The following ZFHX3 variants were observed in gnomAD, a reference collection of about 807,000 sequenced individuals.
ZFHX3 encodes zinc finger homeobox 3, also known as zinc finger homeobox protein 3.
Under a neutral mutation model 279.1 loss-of-function variants are expected in ZFHX3, and 42 were observed. The observed-to-expected ratio is 0.15, with a 90% CI of 0.12 to 0.19. ZFHX3 has a LOEUF of 0.19. Ranked by LOEUF, ZFHX3 falls within the 10% of genes least tolerant of loss-of-function variation. ZFHX3 has a pLI of 1.00. For synonymous variants in ZFHX3, 2,293 were observed against 1,957.8 expected (o/e 1.17, Z -4.52); for missense variants, 4,981 against 4,754.0 (o/e 1.05, Z -1.40).
intron 4 of ZFHX3, among the ~76,000 whole-genome samples, chr16:72,849,607 C>T (rs1421420679): frequency 6.6e-6 from 1 of 152,136 alleles, no homozygotes; most frequent in Non-Finnish European, 1.5e-5. Context: ...CCACGTTCCT[C>T]ATTAATGGAT....
chr16:73,443,972 G>A (rs2018139190), intron 3 of ZFHX3, among the ~76,000 whole-genome samples: 1 of 151,936 alleles, frequency 6.6e-6, no homozygotes, highest in South Asian at 2.1e-4. Context: ...TGATGCCCAG[G>A]CTGGTCTTGA....
chr16:73,440,086 T>C (rs1196442019), intron 3 of ZFHX3, among the ~76,000 whole-genome samples: 1 of 152,072 alleles, frequency 6.6e-6, no homozygotes, highest in Non-Finnish European at 1.5e-5. Context: ...ATGGAAACAG[T>C]ACACAATTTG....
intron 2 of ZFHX3, among the ~76,000 whole-genome samples, chr16:73,558,106 G>C (rs1203605714): frequency 2.0e-5 from 3 of 152,214 alleles, no homozygotes; most frequent in Non-Finnish European, 2.9e-5. Context: ...CCCAGGACAA[G>C]ACTGAAAGCA....
chr16:73,589,350 C>G (rs576408791), intron 2 of ZFHX3, among the ~76,000 whole-genome samples: 1 of 143,846 alleles, frequency 7.0e-6, no homozygotes, highest in South Asian at 2.3e-4. Context: ...GTAGGATGAT[C>G]ACTTGAGCCC....
rs1432040050 is a variant in ZFHX3 at position 73,662,541 on chromosome 16, A to G, written c.-1547+17639T>C. Among the ~76,000 whole-genome samples, 4 of 152,268 alleles carry G rather than the reference A, an allele frequency of 2.6e-5. No individual in the cohort carries two copies. In the East Asian group the frequency reaches 7.7e-4, roughly 29 times the overall value. On this transcript the variant is annotated intron_variant, in intron 2 of 17. Transcript: ENST00000641206. ...TGTCAAAAGCCCTCACTTTAGAACA[A>G]TAAATAAATAAACCAGCCACAGCCT...
At chr16:73,300,111 T>C (rs922474812) in intron 4 of ZFHX3, among the ~76,000 whole-genome samples, 5 of 152,060 alleles carry the variant, frequency 3.3e-5, no homozygotes, top group South Asian at 2.1e-4. Flanking sequence ...AGTAAACTAA[T>C]CAGCTGGGCA....
chr16:73,335,442 G>C (rs565435141), intron 3 of ZFHX3, among the ~76,000 whole-genome samples: 24 of 152,248 alleles, frequency 1.6e-4, no homozygotes, highest in African/African-American at 3.6e-4. Context: ...GTATTTCCAG[G>C]AGTAAAGTTT....
At chr16:73,543,529 T>G (rs536203930) in intron 2 of ZFHX3, among the ~76,000 whole-genome samples, 2 of 151,976 alleles carry the variant, frequency 1.3e-5, no homozygotes, top group Non-Finnish European at 2.9e-5. Context: ...AGCGGGGAGA[T>G]GTAAGAGCCG....
Position 72,882,268 on chromosome 16 carries a change from G to A in ZFHX3, c.3448+7463C>T, listed in dbSNP as rs532700065. Among the ~76,000 whole-genome samples the A allele has an allele frequency of 4.4e-3, 657 of 149,160 alleles. 2 individuals carry two copies. The highest frequency in any genetic ancestry group is 7.2e-3 in the Non-Finnish European group (489 of 67,702). ...TCTCCCAGTGGGCAGCGTTGGGCAC[G>A]TGCTGCCACCCACTCATGAAGATAG... is the stretch of plus-strand genomic sequence containing the variant. On this transcript the variant is annotated intron_variant, in intron 4 of 9. Transcript: ENST00000268489.
chr16:73,235,030 G>A (rs536516142), intron 5 of ZFHX3, among the ~76,000 whole-genome samples: 11 of 152,306 alleles, frequency 7.2e-5, no homozygotes, highest in African/African-American at 2.4e-4. Flanking sequence ...ATTAGCCCCA[G>A]TATTTAAGCT....
chr16:73,012,174 A>G (rs1387552199), intron 1 of ZFHX3, among the ~76,000 whole-genome samples: 2 of 152,224 alleles, frequency 1.3e-5, no homozygotes, highest in Non-Finnish European at 2.9e-5. Flanking sequence ...TTCCAACACC[A>G]AAACACCTGG....
intron 7 of ZFHX3, among the ~76,000 whole-genome samples, chr16:73,124,023 A>G (rs1189365723): frequency 6.6e-6 from 1 of 152,206 alleles, no homozygotes; most frequent in South Asian, 2.1e-4. Flanking sequence ...GTACAGATGG[A>G]CTAAGACAGA....
intron 1 of ZFHX3, among the ~76,000 whole-genome samples, chr16:73,689,076 C>G (rs1399449215): frequency 6.6e-6 from 1 of 152,196 alleles, no homozygotes; most frequent in Non-Finnish European, 1.5e-5. Context: ...CCAAACAAAA[C>G]TTACTGGGTT....
At chr16:73,156,231 C>CA (rs60993308) in intron 5 of ZFHX3, among the ~76,000 whole-genome samples, 12,579 of 88,346 alleles carry the variant, frequency 0.14, 1,100 homozygotes, top group Middle Eastern at 0.22. Flanking sequence ...GACTCCCTCT[C>CA]AAAAAAAAAA....
At position 73,512,005 on chromosome 16, in the gene ZFHX3, G is replaced by A. The variant is rs76301975; in HGVS notation, c.-1546-55747C>T. Among the ~76,000 whole-genome samples the A allele has an allele frequency of 1.2e-4, 19 of 152,140 alleles. No individual in the cohort carries two copies. The East Asian group carries it at 2.7e-3, about 22-fold the overall frequency. ...AAGGCTCATCCCACAACCTTTCACT[G>A]CCTGCAACCCGATACCAGGGTTAGA... On this transcript the variant is annotated intron_variant, in intron 2 of 17. Coordinates refer to the ZFHX3 transcript ENST00000641206.
At chr16:73,288,229 G>GTGGA (rs1567440839) in intron 4 of ZFHX3, among the ~76,000 whole-genome samples, 1 of 152,036 alleles carries the variant, frequency 6.6e-6, no homozygotes, top group Non-Finnish European at 1.5e-5. Context: ...GAGGTGGGAA[G>GTGGA]GAGATGGAAA....
intron 7 of ZFHX3, among the ~76,000 whole-genome samples, chr16:73,123,802 C>T (rs1322679374): frequency 6.6e-6 from 1 of 152,036 alleles, no homozygotes; most frequent in Non-Finnish European, 1.5e-5. Flanking sequence ...CTGAATGGGA[C>T]TCATGCCCTT....
chr16:73,392,317 A>T (rs533019040), intron 3 of ZFHX3, among the ~76,000 whole-genome samples: 1 of 146,974 alleles, frequency 6.8e-6, no homozygotes, highest in Non-Finnish European at 1.5e-5. Context: ...GCTACTCAGG[A>T]GGCTGAGGCA....
At chr16:73,679,561 CAT>C (rs1242385732) in intron 2 of ZFHX3, 1 of 152,122 alleles carries the variant, frequency 6.6e-6, no homozygotes. Flanking sequence ...ACAAAAAACT[CAT>C]AGTACAATTT....
Sources: allele counts gnomAD v4.1 joint callset (sites outside exome capture counted in the v4.1 genomes callset), GRCh38; gene constraint gnomAD v4.1.1; transcripts MANE v1.5; gene names NCBI Gene and HGNC (gene_info 2026-07-23, HGNC 2026-07-21).